The following BMPR1B variants were observed in gnomAD, a reference collection of about 807,000 sequenced individuals.
BMPR1B encodes bone morphogenetic protein receptor type-1B.
Under a neutral mutation model 59.1 loss-of-function variants are expected in BMPR1B, and 12 were observed. The observed-to-expected ratio is 0.20, with a 90% CI of 0.13 to 0.33. The LOEUF (loss-of-function observed/expected upper bound fraction) is 0.33. BMPR1B is among the 10% of genes least tolerant of loss of function. The pLI is 1.00. For missense variants in BMPR1B, 550 were observed against 610.9 expected (o/e 0.90, Z 1.05); for synonymous variants, 237 against 207.3 (o/e 1.14, Z -1.23).
chr4:95,007,758 G>A (rs1722952236), intron 3 of BMPR1B, among the ~76,000 whole-genome samples: 1 of 152,130 alleles, frequency 6.6e-6, no homozygotes, highest in South Asian at 2.1e-4. Flanking sequence ...AAAGCTAAGT[G>A]TTTTGGCCTT....
chr4:94,841,636 G>GCACCCACTGATCTGCGCC (rs1231061955), intron 1 of BMPR1B, among the ~76,000 whole-genome samples: 1 of 152,086 alleles, frequency 6.6e-6, no homozygotes, highest in African/African-American at 2.4e-5. Context: ...CACGGTGCGC[G>GCACCCACTGATCTGCGCC]CACCCACTGA....
intron 3 of BMPR1B, among the ~76,000 whole-genome samples, chr4:95,062,579 A>C (rs527394952): frequency 6.6e-6 from 1 of 152,166 alleles, no homozygotes; most frequent in Non-Finnish European, 1.5e-5. Context: ...ATTACATGCA[A>C]AATACCCTAA....
intron 8 of BMPR1B, among the ~76,000 whole-genome samples, chr4:95,127,044 C>CTGTGTGTGTG (rs6148578): frequency 0.016 from 2,292 of 146,424 alleles, 46 homozygotes; most frequent in African/African-American, 0.046. Flanking sequence ...AGAATTAAGA[C>CTGTGTGTGTG]TGTGTGTGTG....
chr4:95,152,906 A>C, intron 12 of BMPR1B, 133 bp downstream of exon 12: 1 of 1,142,182 alleles, frequency 8.8e-7, no homozygotes, highest in African/African-American at 1.5e-5. Flanking sequence ...TCATTGCAGT[A>C]ATTTATATGA....
chr4:94,867,549 C>T (rs1726295720), intron 1 of BMPR1B, among the ~76,000 whole-genome samples: 1 of 152,170 alleles, frequency 6.6e-6, no homozygotes, highest in Non-Finnish European at 1.5e-5. Context: ...TCTCAGTTTT[C>T]ACCTTGGAAT....
chr4:95,119,251 A>G (rs1732297213), intron 6 of BMPR1B, among the ~76,000 whole-genome samples: 2 of 152,190 alleles, frequency 1.3e-5, no homozygotes, highest in African/African-American at 2.4e-5. Context: ...AAATGCATTT[A>G]AGTTAAGTTT....
At chr4:94,933,107 C>CT (rs1269250862) in intron 2 of BMPR1B, among the ~76,000 whole-genome samples, 3 of 151,846 alleles carry the variant, frequency 2.0e-5, no homozygotes, top group Non-Finnish European at 2.9e-5. Flanking sequence ...ATATATAATG[C>CT]TTTTTATATA....
At chr4:94,844,686 C>T (rs532606933) in intron 1 of BMPR1B, among the ~76,000 whole-genome samples, 13 of 152,264 alleles carry the variant, frequency 8.5e-5, no homozygotes, top group African/African-American at 2.6e-4. Context: ...CTGCCCCGCT[C>T]CCCGCCCCAG....
intron 3 of BMPR1B, among the ~76,000 whole-genome samples, chr4:95,062,128 C>G (rs533518136): frequency 3.3e-5 from 5 of 152,058 alleles, no homozygotes; most frequent in African/African-American, 9.7e-5. Context: ...CTTCATAAAT[C>G]ATGCATTCTC....
chr4:94,893,360 T>G (rs1380485478), intron 2 of BMPR1B, among the ~76,000 whole-genome samples: 1 of 152,068 alleles, frequency 6.6e-6, no homozygotes, highest in Non-Finnish European at 1.5e-5. Flanking sequence ...TCCGTCTTTC[T>G]TAATGAGGCT....
intron 3 of BMPR1B, among the ~76,000 whole-genome samples, chr4:95,002,006 A>G (rs1272385698): frequency 5.3e-5 from 8 of 152,176 alleles, no homozygotes; most frequent in Non-Finnish European, 1.2e-4. Context: ...TTTTAAATTC[A>G]GTGAGTACAG....
chr4:95,029,479 T>C (rs1724669269), intron 3 of BMPR1B, among the ~76,000 whole-genome samples: 1 of 152,174 alleles, frequency 6.6e-6, no homozygotes, highest in South Asian at 2.1e-4. Context: ...TGCCACATTT[T>C]CTTAATCCAG....
intron 2 of BMPR1B, among the ~76,000 whole-genome samples, chr4:94,939,633 G>C (rs1443828432): frequency 5.9e-5 from 9 of 152,138 alleles, no homozygotes; most frequent in Non-Finnish European, 8.8e-5. Flanking sequence ...GCTTTCTTAG[G>C]TTCTTTTAAA....
intron 3 of BMPR1B, among the ~76,000 whole-genome samples, chr4:95,100,987 A>G (rs1209865181): frequency 3.3e-5 from 5 of 152,108 alleles, no homozygotes; most frequent in East Asian, 3.9e-4. Context: ...TCAAATACCT[A>G]TTTACCCTAA....
At chr4:95,034,728 C>T (rs539889637) in intron 3 of BMPR1B, among the ~76,000 whole-genome samples, 1 of 151,950 alleles carries the variant, frequency 6.6e-6, no homozygotes, top group South Asian at 2.1e-4. Context: ...AATTGTGCTG[C>T]TATAAACAGG....
chr4:95,046,180 A>C (rs748703429), intron 3 of BMPR1B, among the ~76,000 whole-genome samples: 1 of 152,116 alleles, frequency 6.6e-6, no homozygotes, highest in African/African-American at 2.4e-5. Context: ...AATAACTGGG[A>C]CTATAGCCAA....
chr4:95,026,098 A>ATTTCTTTCTTTCTTTCTTTCTTTCTTTT (rs1553928439), intron 3 of BMPR1B, among the ~76,000 whole-genome samples: 6,179 of 101,632 alleles, frequency 0.061, 413 homozygotes, highest in South Asian at 0.1. Context: ...GCTTTCTTTC[A>ATTTCTTTCTTTCTTTCTTTCTTTCTTTT]TTTCTTTCTT....
intron 10 of BMPR1B, among the ~76,000 whole-genome samples, chr4:95,144,499 T>A (rs1734496039): frequency 6.7e-6 from 1 of 150,114 alleles, no homozygotes; most frequent in Non-Finnish European, 1.5e-5. Flanking sequence ...TTAAAAAAAA[T>A]ACTCATTGAA....
At chr4:94,890,486 A>C (rs867597075) in intron 2 of BMPR1B, among the ~76,000 whole-genome samples, 37 of 152,156 alleles carry the variant, frequency 2.4e-4, no homozygotes, top group Non-Finnish European at 5.3e-4. Context: ...TGTAAATTAC[A>C]TGAGTGTAAT....
Sources: gnomAD v4.1 joint callset for allele counts (sites outside exome capture counted in the v4.1 genomes callset) on GRCh38, gnomAD v4.1.1 for gene constraint, MANE v1.5 for transcripts, NCBI Gene and HGNC (gene_info 2026-07-23, HGNC 2026-07-21) for gene names.